NKAIN2: variants seen among roughly 807,000 people sequenced by gnomAD.
NKAIN2 encodes sodium/potassium transporting ATPase interacting 2.
Under a neutral mutation model 32.6 loss-of-function variants are expected in NKAIN2, and 14 were observed. The observed-to-expected ratio is 0.43, with a 90% CI of 0.28 to 0.67. The LOEUF is 0.67. Ranked by LOEUF, NKAIN2 falls within the 30% of genes least tolerant of loss-of-function variation. The pLI is 0.17. For missense variants in NKAIN2, 198 were observed against 258.3 expected (o/e 0.77, Z 1.60); for synonymous variants, 80 against 87.2 (o/e 0.92, Z 0.46).
intron 3 of NKAIN2, among the ~76,000 whole-genome samples, chr6:124,496,132 T>G (rs1778055216): frequency 6.6e-6 from 1 of 152,186 alleles, no homozygotes; most frequent in Non-Finnish European, 1.5e-5. Context: ...AGGAATTTCT[T>G]TAGCAGCCAA....
chr6:124,063,613 G>T (rs1783022258), intron 1 of NKAIN2, among the ~76,000 whole-genome samples: 1 of 152,128 alleles, frequency 6.6e-6, no homozygotes, highest in East Asian at 1.9e-4. Flanking sequence ...TTCAATGAAT[G>T]ATAGCTTTTA....
intron 1 of NKAIN2, among the ~76,000 whole-genome samples, chr6:124,225,065 C>A (rs1474369891): frequency 6.6e-6 from 1 of 151,924 alleles, no homozygotes; most frequent in Non-Finnish European, 1.5e-5. Flanking sequence ...TTCTTTCATT[C>A]TAGAGATGTT....
intron 4 of NKAIN2, among the ~76,000 whole-genome samples, chr6:124,780,932 C>A (rs1436111821): frequency 6.6e-6 from 1 of 152,108 alleles, no homozygotes; most frequent in Non-Finnish European, 1.5e-5. Flanking sequence ...CTACATGCTC[C>A]AGGTTTCCCA....
At chr6:123,956,788 C>T (rs1240965334) in intron 1 of NKAIN2, among the ~76,000 whole-genome samples, 2 of 152,126 alleles carry the variant, frequency 1.3e-5, no homozygotes, top group Non-Finnish European at 1.5e-5. Flanking sequence ...AAGGCTACAC[C>T]TCAGAAATGA....
chr6:123,804,545 T>C (rs1273822640), intron 1 of NKAIN2, among the ~76,000 whole-genome samples: 1 of 152,208 alleles, frequency 6.6e-6, no homozygotes, highest in East Asian at 1.9e-4. Context: ...TTGTTCTTTA[T>C]GCTTTGCATT....
At chr6:124,807,447 C>A (rs1464097711) in intron 5 of NKAIN2, among the ~76,000 whole-genome samples, 1 of 151,218 alleles carries the variant, frequency 6.6e-6, no homozygotes, top group African/African-American at 2.4e-5. Context: ...CCAACGAGAA[C>A]AAAGACACAA....
At chr6:123,863,709 A>G (rs1448294333) in intron 1 of NKAIN2, among the ~76,000 whole-genome samples, 1 of 152,156 alleles carries the variant, frequency 6.6e-6, no homozygotes, top group Non-Finnish European at 1.5e-5. Context: ...CAACACCAGC[A>G]CCTAGGCCCA....
At chr6:123,924,230 G>C (rs891082067) in intron 1 of NKAIN2, among the ~76,000 whole-genome samples, 2 of 152,202 alleles carry the variant, frequency 1.3e-5, no homozygotes, top group Non-Finnish European at 2.9e-5. Flanking sequence ...AACTCACCTA[G>C]TAAAATTCCA....
intron 1 of NKAIN2, among the ~76,000 whole-genome samples, chr6:123,935,204 A>G (rs1776444459): frequency 6.7e-6 from 1 of 148,906 alleles, no homozygotes; most frequent in African/African-American, 2.4e-5. Context: ...ATATTTATAT[A>G]TTTACTTAAT....
At chr6:124,765,834 T>C (rs937865507) in intron 4 of NKAIN2, among the ~76,000 whole-genome samples, 1 of 152,220 alleles carries the variant, frequency 6.6e-6, no homozygotes, top group Non-Finnish European at 1.5e-5. Flanking sequence ...ATTATCACTG[T>C]GCCAGTTGAA....
intron 3 of NKAIN2, among the ~76,000 whole-genome samples, chr6:124,635,931 C>T (rs1783757113): frequency 6.6e-6 from 1 of 152,004 alleles, no homozygotes. Flanking sequence ...CTGCACTATA[C>T]AGCAAATAGG....
chr6:124,655,340 A>T (rs1362502397), intron 3 of NKAIN2, among the ~76,000 whole-genome samples: 1 of 151,638 alleles, frequency 6.6e-6, no homozygotes, highest in East Asian at 1.9e-4. Context: ...TATCATCTCC[A>T]TTTTTTTGGT....
At chr6:124,328,980 G>A (rs1797539644) in intron 2 of NKAIN2, among the ~76,000 whole-genome samples, 1 of 152,190 alleles carries the variant, frequency 6.6e-6, no homozygotes, top group South Asian at 2.1e-4. Context: ...CTCCACATTA[G>A]TGGTTGGTTT....
At chr6:124,202,456 A>G (rs1272720100) in intron 1 of NKAIN2, among the ~76,000 whole-genome samples, 1 of 151,362 alleles carries the variant, frequency 6.6e-6, no homozygotes, top group Non-Finnish European at 1.5e-5. Flanking sequence ...TGAATAAAAG[A>G]ATATACATTC....
At chr6:123,807,754 G>C (rs1251507965) in intron 1 of NKAIN2, among the ~76,000 whole-genome samples, 1 of 151,898 alleles carries the variant, frequency 6.6e-6, no homozygotes, top group Non-Finnish European at 1.5e-5. Flanking sequence ...TAGACTTCTG[G>C]GTGGCACAAA....
intron 1 of NKAIN2, among the ~76,000 whole-genome samples, chr6:124,255,602 T>G (rs1019514109): frequency 3.3e-5 from 5 of 152,188 alleles, no homozygotes; most frequent in Admixed American, 3.3e-4. Context: ...TTTGTACATT[T>G]TTTACAAACG....
intron 5 of NKAIN2, among the ~76,000 whole-genome samples, chr6:124,812,929 T>C (rs1001202677): frequency 1.3e-5 from 2 of 152,184 alleles, no homozygotes; most frequent in Non-Finnish European, 2.9e-5. Flanking sequence ...ATTCAGGCTT[T>C]TAGTAATTCC....
In NKAIN2 at chr6:123,931,844, C is replaced by T. The variant is rs149918548; in HGVS notation, c.54+127590C>T. Among the ~76,000 whole-genome samples the T allele has an allele frequency of 4.3e-4, 66 of 152,262 alleles. No homozygotes were observed. In the East Asian group the frequency reaches 0.012, roughly 28 times the overall value. ...TACTTCACTCTGCCCAACCAATGCA[C>T]ATCTTAAAAATGAGCAGTACCCTTG... On this transcript the variant is annotated intron_variant, in intron 1 of 6. Transcript: ENST00000368417.
At chr6:124,077,379 C>G (rs952006931) in intron 1 of NKAIN2, among the ~76,000 whole-genome samples, 1 of 152,166 alleles carries the variant, frequency 6.6e-6, no homozygotes, top group Non-Finnish European at 1.5e-5. Context: ...GTATGAGCTG[C>G]TGTTAGCTCT....
Sources: allele counts gnomAD v4.1 joint callset (sites outside exome capture counted in the v4.1 genomes callset), GRCh38; gene constraint gnomAD v4.1.1; transcripts MANE v1.5; gene names NCBI Gene and HGNC (gene_info 2026-07-23, HGNC 2026-07-21).